The following EIF2B3 variants were observed in gnomAD, a reference collection of about 807,000 sequenced individuals.
EIF2B3 encodes translation initiation factor eIF2B subunit gamma.
In EIF2B3, 20 loss-of-function variants were observed where a neutral mutation model predicts 54.1. That is an observed-to-expected ratio of 0.37 (90% CI 0.26 to 0.54). EIF2B3 has a LOEUF of 0.54. EIF2B3 is among the 20% of genes least tolerant of loss of function. The pLI is 0.86. For synonymous variants in EIF2B3, 153 were observed against 188.1 expected (o/e 0.81, Z 1.52); for missense variants, 448 against 547.8 (o/e 0.82, Z 1.82).
chr1:44,948,073 G>A (rs969079018), intron 3 of EIF2B3, among the ~76,000 whole-genome samples: 30 of 152,282 alleles, frequency 2.0e-4, no homozygotes, highest in Admixed American at 4.6e-4. Context: ...GGTTTAAAAT[G>A]CTTGGAAAAG....
At chr1:44,874,931 A>C in intron 9 of EIF2B3, 105 bp from the exon 10 acceptor site, 3 of 1,405,574 alleles carry the variant, frequency 2.1e-6, no homozygotes, top group Admixed American at 1.7e-5. Flanking sequence ...CCATAGAGAC[A>C]CTTCAGCAAG....
At chr1:44,962,428 T>C (rs1569851014) in intron 3 of EIF2B3, among the ~76,000 whole-genome samples, 2 of 152,238 alleles carry the variant, frequency 1.3e-5, no homozygotes, top group South Asian at 4.1e-4. Flanking sequence ...ATTTATTTTT[T>C]AGAGATGAGT....
rs944276639 is a variant in EIF2B3 at position 44,880,002 on chromosome 1, T to C, written c.791A>G (p.Tyr264Cys). Residue 264 changes from tyrosine to cysteine, a missense_variant, in exon 8 of 12, where the codon TAC (tyrosine) becomes TGC (cysteine). Transcript: ENST00000360403. The stretch of plus-strand genomic sequence containing the variant: ...TGTATTGGCTTCTTTTATAAAACTG[T>C]AGATATCTTCAGAACAAACACCCAA... Reference protein sequence around the residue: ...KKKELKSLDIYSFIKEANTLN... With the variant: ...KKKELKSLDICSFIKEANTLN... 3 of 1,614,184 alleles carry C rather than the reference T, an allele frequency of 1.9e-6. No individual in the cohort carries two copies. Among genetic ancestry groups the C allele is most frequent in the Non-Finnish European group, 2.5e-6 (3 of 1,180,022 alleles).
intron 3 of EIF2B3, among the ~76,000 whole-genome samples, chr1:44,952,472 T>C (rs1644175749): frequency 6.6e-6 from 1 of 151,986 alleles, no homozygotes; most frequent in African/African-American, 2.4e-5. Flanking sequence ...GCAGCAAACA[T>C]CTTTCTGACA....
At chr1:44,950,329 C>T (rs757705402) in intron 3 of EIF2B3, among the ~76,000 whole-genome samples, 6 of 152,096 alleles carry the variant, frequency 3.9e-5, no homozygotes, top group African/African-American at 4.8e-5. Context: ...GAGGTTGAGG[C>T]AGGAGGATCA....
intron 4 of EIF2B3, among the ~76,000 whole-genome samples, chr1:44,926,978 T>C (rs990229702): frequency 6.7e-6 from 1 of 150,236 alleles, no homozygotes; most frequent in Non-Finnish European, 1.5e-5. Context: ...CTACTAAAAA[T>C]ACAAAAATTA....
chr1:44,894,068 C>T (rs1462584125), intron 6 of EIF2B3, among the ~76,000 whole-genome samples: 1 of 152,128 alleles, frequency 6.6e-6, no homozygotes, highest in Non-Finnish European at 1.5e-5. Context: ...GGGCCAATAC[C>T]TGGGCTTCTA....
intron 6 of EIF2B3, among the ~76,000 whole-genome samples, chr1:44,894,071 G>A (rs1184067968): frequency 2.0e-5 from 3 of 152,070 alleles, no homozygotes; most frequent in Non-Finnish European, 4.4e-5. Context: ...CCAATACCTG[G>A]GCTTCTAGAT....
At chr1:44,932,861 G>T (rs942427727) in intron 4 of EIF2B3, among the ~76,000 whole-genome samples, 4 of 152,074 alleles carry the variant, frequency 2.6e-5, no homozygotes, top group Non-Finnish European at 5.9e-5. Flanking sequence ...ACACTTTCAG[G>T]GATACAAAAG....
intron 5 of EIF2B3, among the ~76,000 whole-genome samples, chr1:44,922,654 A>AT (rs1350135427): frequency 6.7e-6 from 1 of 150,340 alleles, no homozygotes; most frequent in African/African-American, 2.4e-5. Flanking sequence ...AACAATACTG[A>AT]TTTTTTCAAT....
intron 3 of EIF2B3, among the ~76,000 whole-genome samples, chr1:44,944,912 G>GT (rs1644080518): frequency 6.7e-6 from 1 of 148,464 alleles, no homozygotes; most frequent in African/African-American, 2.5e-5. Context: ...TTTTTTTTTT[G>GT]TAAGTACTCC....
chr1:44,901,280 T>A (rs1643292442), intron 5 of EIF2B3, among the ~76,000 whole-genome samples: 1 of 152,046 alleles, frequency 6.6e-6, no homozygotes, highest in Admixed American at 6.6e-5. Flanking sequence ...CATGCCCAAC[T>A]AATTTTTGTA....
At chr1:44,949,462 A>G (rs1412665748) in intron 3 of EIF2B3, among the ~76,000 whole-genome samples, 1 of 152,192 alleles carries the variant, frequency 6.6e-6, no homozygotes, top group Non-Finnish European at 1.5e-5. Context: ...GCATGAGTAA[A>G]TGTTAGTACT....
intron 9 of EIF2B3, among the ~76,000 whole-genome samples, chr1:44,875,072 C>G (rs957887477): frequency 8.5e-5 from 13 of 152,228 alleles, no homozygotes; most frequent in African/African-American, 2.2e-4. Context: ...CACATATACA[C>G]ACTCATGCAC....
At chr1:44,867,467 T>C (rs1419319256) in intron 10 of EIF2B3, among the ~76,000 whole-genome samples, 1 of 152,044 alleles carries the variant, frequency 6.6e-6, no homozygotes, top group Non-Finnish European at 1.5e-5. Context: ...CCAGAAAGCC[T>C]CAGCAAGCTT....
At position 44,879,870 on chromosome 1, in the gene EIF2B3, C is replaced by T. The variant is rs768921509; in HGVS notation, c.923G>A (p.Gly308Glu). Residue 308 changes from glycine (G) to glutamate (E), a missense_variant, in exon 8 of 12, where the codon GGG becomes GAG. Gly to Glu is a moderately conservative substitution (Grantham distance 98, BLOSUM62 -2). Coordinates refer to ENST00000360403, the MANE Select transcript of EIF2B3 (RefSeq NM_020365.5). The part of the protein sequence containing the change: ...VRCYVHIMKE[G>E]LCSRVSTLGL... ...CAGTGTGCTCACTCGAGAGCAGAGC[C>T]CCTCTTTCATGATGTGGACATAGCA... is the stretch of plus-strand genomic sequence containing the variant. 6.2e-7 allele frequency: 1 copy of T among 1,614,004 alleles called. No individual in the cohort carries two copies. Among genetic ancestry groups the T allele is most frequent in the African/African-American group, 1.3e-5 (1 of 74,904 alleles).
chr1:44,906,147 G>C (rs113072335), intron 5 of EIF2B3, among the ~76,000 whole-genome samples: 51 of 152,318 alleles, frequency 3.3e-4, no homozygotes, highest in Middle Eastern at 6.8e-3. Context: ...CTCCACTCTA[G>C]TCTCACTGGT....
At chr1:44,851,510 G>C (rs1439710492) in intron 11 of EIF2B3, among the ~76,000 whole-genome samples, 1 of 152,172 alleles carries the variant, frequency 6.6e-6, no homozygotes, top group East Asian at 1.9e-4. Flanking sequence ...CTATATACCT[G>C]GCTGTGGTGA....
intron 6 of EIF2B3, among the ~76,000 whole-genome samples, chr1:44,891,895 T>C (rs1219815034): frequency 6.6e-6 from 1 of 152,138 alleles, no homozygotes; most frequent in Non-Finnish European, 1.5e-5. Context: ...GTATTACTAT[T>C]CTTATTTTAT....
Sources: allele counts gnomAD v4.1 joint callset (sites outside exome capture counted in the v4.1 genomes callset), GRCh38; gene constraint gnomAD v4.1.1; transcripts MANE v1.5; gene names NCBI Gene and HGNC (gene_info 2026-07-23, HGNC 2026-07-21).